The following MEIKIN variants were observed in gnomAD, a reference collection of about 807,000 sequenced individuals.
MEIKIN encodes the protein meiotic kinetochore factor.
intron 9 of MEIKIN, among the ~76,000 whole-genome samples, chr5:131,856,223 G>C (rs1288341312): frequency 6.6e-6 from 1 of 152,184 alleles, no homozygotes; most frequent in Non-Finnish European, 1.5e-5. Flanking sequence ...TCTAGGGACT[G>C]TGATGCAAGG....
At chr5:131,905,306 G>A (rs1185057976) in intron 8 of MEIKIN, among the ~76,000 whole-genome samples, 1 of 152,056 alleles carries the variant, frequency 6.6e-6, no homozygotes, top group Non-Finnish European at 1.5e-5. Flanking sequence ...CAATGTAAGA[G>A]GGAAGTTTAT....
intron 11 of MEIKIN, among the ~76,000 whole-genome samples, chr5:131,839,251 TGAG>T (rs955837609): frequency 1.3e-5 from 2 of 152,232 alleles, no homozygotes; most frequent in Admixed American, 6.5e-5. Context: ...TTGCATTTGC[TGAG>T]GAGTGCTTTA....
chr5:131,925,482 C>T lies in MEIKIN; in HGVS notation c.479-3541G>A, dbSNP rs149062663. Among the ~76,000 whole-genome samples the T allele has an allele frequency of 2.5e-4, 38 of 152,218 alleles. No individual in the cohort carries two copies. The East Asian group carries it at 6.2e-3, about 25-fold the overall frequency. ...CATTGTTTTCCAGCATACATATCTT[C>T]TACTTCTTAAGTTTATTCCTAAATA... On this transcript the variant is annotated intron_variant, in intron 5 of 12. Transcript: ENST00000442687.
At chr5:131,884,808 G>T (rs1380673332) in intron 8 of MEIKIN, among the ~76,000 whole-genome samples, 1 of 151,888 alleles carries the variant, frequency 6.6e-6, no homozygotes, top group East Asian at 1.9e-4. Flanking sequence ...CCACTGCCCT[G>T]AAGGGTGAGT....
At chr5:131,822,585 G>A (rs1281952828) in intron 11 of MEIKIN, among the ~76,000 whole-genome samples, 1 of 151,962 alleles carries the variant, frequency 6.6e-6, no homozygotes, top group Non-Finnish European at 1.5e-5. Context: ...CTATAACTTT[G>A]TCCTCTTGCT....
At chr5:131,889,884 C>T (rs1750876205) in intron 8 of MEIKIN, among the ~76,000 whole-genome samples, 1 of 152,088 alleles carries the variant, frequency 6.6e-6, no homozygotes, top group Admixed American at 6.5e-5. Context: ...GAGATACGTC[C>T]CATCAATACC....
chr5:131,876,763 T>C (rs1270006713), intron 9 of MEIKIN, among the ~76,000 whole-genome samples: 4 of 151,666 alleles, frequency 2.6e-5, no homozygotes, highest in Non-Finnish European at 5.9e-5. Context: ...CCAACGATGA[T>C]AGACTGGATT....
At chr5:131,870,634 C>T (rs1441117574) in intron 9 of MEIKIN, among the ~76,000 whole-genome samples, 2 of 152,210 alleles carry the variant, frequency 1.3e-5, no homozygotes, top group Non-Finnish European at 2.9e-5. Context: ...TAAATAGCAT[C>T]TTTATCCACT....
At chr5:131,938,165 C>CTTTT (rs3043872) in intron 4 of MEIKIN, among the ~76,000 whole-genome samples, 4 of 126,630 alleles carry the variant, frequency 3.2e-5, no homozygotes, top group Non-Finnish European at 6.5e-5. Flanking sequence ...CCCTCACCCC[C>CTTTT]TTTTTTTTTT....
intron 8 of MEIKIN, among the ~76,000 whole-genome samples, chr5:131,882,578 T>C (rs1465664559): frequency 6.6e-6 from 1 of 152,202 alleles, no homozygotes; most frequent in Non-Finnish European, 1.5e-5. Context: ...TCATTTAAAA[T>C]GAAATAAAAT....
chr5:131,918,686 G>C (rs985846447), intron 6 of MEIKIN, among the ~76,000 whole-genome samples: 14 of 152,182 alleles, frequency 9.2e-5, no homozygotes, highest in African/African-American at 3.4e-4. Flanking sequence ...CTCCCTGGTG[G>C]TAGATAGATG....
chr5:131,876,074 T>C (rs540040179), intron 9 of MEIKIN, among the ~76,000 whole-genome samples: 62 of 152,164 alleles, frequency 4.1e-4, no homozygotes, highest in Admixed American at 6.5e-4. Context: ...CCATTCAGGA[T>C]GTAGGCATGG....
chr5:131,838,977 G>T (rs1749858815), intron 11 of MEIKIN, among the ~76,000 whole-genome samples: 1 of 151,862 alleles, frequency 6.6e-6, no homozygotes, highest in Non-Finnish European at 1.5e-5. Context: ...CTAATTTTTT[G>T]ATGTGTTCAT....
chr5:131,835,254 G>GTATATATGTGTATAT, intron 11 of MEIKIN, among the ~76,000 whole-genome samples: 2 of 142,246 alleles, frequency 1.4e-5, no homozygotes, highest in African/African-American at 6.1e-5. Context: ...GTATATATAT[G>GTATATATGTGTATAT]ATATATGATA....
At chr5:131,841,639 A>G (rs1359385929) in intron 11 of MEIKIN, among the ~76,000 whole-genome samples, 6 of 152,126 alleles carry the variant, frequency 3.9e-5, no homozygotes, top group African/African-American at 7.2e-5. Flanking sequence ...ATTACATGGG[A>G]ATCTGGATAA....
intron 4 of MEIKIN, among the ~76,000 whole-genome samples, chr5:131,940,946 C>G (rs2149655584): frequency 6.6e-6 from 1 of 152,162 alleles, no homozygotes; most frequent in East Asian, 1.9e-4. Flanking sequence ...ATCAACTCAG[C>G]CCCAACATTG....
In MEIKIN at chr5:131,817,594, T is replaced by C. The variant is rs530192849; in HGVS notation, c.1099+1146A>G. 3.4e-3 allele frequency among the ~76,000 whole-genome samples: 488 copies of C among 142,138 alleles called. 4 individuals carry two copies. The highest frequency in any genetic ancestry group is 0.012 in the African/African-American group (462 of 38,354). The allele number at this position is 142,138 out of a possible 152,430, so 93.2% of individuals were successfully genotyped here. On this transcript the variant is annotated intron_variant, in intron 12 of 12. Transcript: ENST00000442687. ...TTGCGCCACTGCACTCCAGCCTGGG[T>C]GACAGAGCGAGAATCTGTCAAAAAA...
chr5:131,852,569 C>A (rs1750133164), intron 10 of MEIKIN, among the ~76,000 whole-genome samples: 1 of 152,070 alleles, frequency 6.6e-6, no homozygotes, highest in Non-Finnish European at 1.5e-5. Flanking sequence ...GCACAAAACG[C>A]CACATGTTAT....
intron 8 of MEIKIN, among the ~76,000 whole-genome samples, chr5:131,904,259 G>A (rs536092416): frequency 1.1e-4 from 17 of 152,288 alleles, no homozygotes; most frequent in African/African-American, 3.8e-4. Context: ...CAGACAGATT[G>A]TCAAGGCAGA....
Sources: gnomAD v4.1 joint callset for allele counts (sites outside exome capture counted in the v4.1 genomes callset) on GRCh38, gnomAD v4.1.1 for gene constraint, MANE v1.5 for transcripts, NCBI Gene and HGNC (gene_info 2026-07-23, HGNC 2026-07-21) for gene names.